Variants in CHCHD3 observed in about 807,000 individuals in gnomAD.
CHCHD3 encodes coiled-coil-helix-coiled-coil-helix domain containing 3, also known as MICOS complex subunit MIC19.
Under a neutral mutation model 38.2 loss-of-function variants are expected in CHCHD3, and 20 were observed. The observed-to-expected ratio is 0.52, with a 90% CI of 0.37 to 0.76. The LOEUF (loss-of-function observed/expected upper bound fraction) is 0.76. Among genes scored for constraint, CHCHD3 ranks in the 30% least tolerant of loss-of-function variants. The pLI is 0.00. For missense variants in CHCHD3, 245 were observed against 279.2 expected (o/e 0.88, Z 0.87); for synonymous variants, 82 against 100.0 (o/e 0.82, Z 1.07).
intron 4 of CHCHD3, among the ~76,000 whole-genome samples, chr7:132,934,024 C>G (rs765886675): frequency 4.6e-5 from 7 of 152,130 alleles, no homozygotes; most frequent in Non-Finnish European, 7.4e-5. Flanking sequence ...TGATTTCCAC[C>G]CTGGCAGATT....
chr7:132,845,655 T>C (rs953032183), intron 5 of CHCHD3, among the ~76,000 whole-genome samples: 1 of 152,230 alleles, frequency 6.6e-6, no homozygotes, highest in African/African-American at 2.4e-5. Context: ...CCTTGCTTTT[T>C]ACTCTATATG....
At chr7:132,913,146 AAAGT>A (rs1809998265) in intron 4 of CHCHD3, among the ~76,000 whole-genome samples, 2 of 152,202 alleles carry the variant, frequency 1.3e-5, no homozygotes, top group Non-Finnish European at 2.9e-5. Flanking sequence ...TTGAGATTCC[AAAGT>A]GAAGGGAATC....
chr7:132,819,015 A>G (rs1323981861), intron 6 of CHCHD3, among the ~76,000 whole-genome samples: 2 of 152,246 alleles, frequency 1.3e-5, no homozygotes, highest in African/African-American at 4.8e-5. Context: ...TAGGCCAGAC[A>G]CAGAGATGTC....
chr7:132,964,412 C>A (rs1464647104), intron 4 of CHCHD3, among the ~76,000 whole-genome samples: 1 of 152,086 alleles, frequency 6.6e-6, no homozygotes, highest in Non-Finnish European at 1.5e-5. Flanking sequence ...GAAACCCCGT[C>A]TCTACTAAAA....
chr7:132,902,435 T>C (rs888074546), intron 4 of CHCHD3, among the ~76,000 whole-genome samples: 4 of 152,164 alleles, frequency 2.6e-5, no homozygotes, highest in African/African-American at 9.7e-5. Context: ...CCATCAATGA[T>C]AGACTGGATT....
At chr7:133,007,708 T>A (rs6467459) in intron 3 of CHCHD3, among the ~76,000 whole-genome samples, 9 of 152,058 alleles carry the variant, frequency 5.9e-5, no homozygotes, top group Non-Finnish European at 1.0e-4. Flanking sequence ...TGCTACAATA[T>A]ACGTGTCCCA....
At chr7:132,828,264 A>T (rs1345268870) in intron 6 of CHCHD3, among the ~76,000 whole-genome samples, 2 of 152,160 alleles carry the variant, frequency 1.3e-5, no homozygotes, top group East Asian at 3.9e-4. Context: ...TTTCTCCACA[A>T]TCTTTCCAGA....
intron 2 of CHCHD3, among the ~76,000 whole-genome samples, chr7:133,065,884 G>C (rs1334551527): frequency 6.6e-6 from 1 of 152,102 alleles, no homozygotes; most frequent in East Asian, 1.9e-4. Context: ...CCAAATTTTA[G>C]TTCTTTTCTT....
At chr7:132,796,599 G>A (rs375556117) in intron 6 of CHCHD3, 22 bp from the exon 7 acceptor site, 56 of 1,609,570 alleles carry the variant, frequency 3.5e-5, no homozygotes, top group Admixed American at 2.3e-4. Context: ...CACAGGGACC[G>A]CTGAGACCAA....
At position 133,054,058 on chromosome 7, in the gene CHCHD3, T is replaced by A. The variant is rs1420567823; in HGVS notation, c.169+16084A>T. 2.0e-5 allele frequency among the ~76,000 whole-genome samples: 3 copies of A among 152,186 alleles called. No individual in the cohort carries two copies. In the East Asian group the frequency reaches 5.8e-4, roughly 29 times the overall value. Reference sequence around the variant, plus strand: ...TTAATGTAAAACATACTTTTAAAAATAAAGTACCTGTTAATGAGAAGTACA... The same window carrying A: ...TTAATGTAAAACATACTTTTAAAAAAAAAGTACCTGTTAATGAGAAGTACA... On this transcript the variant is annotated intron_variant, in intron 2 of 7. Coordinates refer to ENST00000262570, the MANE Select transcript of CHCHD3 (RefSeq NM_017812.4).
intron 5 of CHCHD3, among the ~76,000 whole-genome samples, chr7:132,884,249 C>A (rs1027055843): frequency 6.6e-6 from 1 of 152,112 alleles, no homozygotes; most frequent in African/African-American, 2.4e-5. Context: ...AGGCCTCTTC[C>A]CAAATGTCAT....
chr7:132,991,019 C>G (rs999885639), intron 3 of CHCHD3, among the ~76,000 whole-genome samples: 1 of 150,830 alleles, frequency 6.6e-6, no homozygotes, highest in Non-Finnish European at 1.5e-5. Flanking sequence ...ACTAGATGTG[C>G]TAAATGTTAA....
chr7:132,913,470 C>A (rs1810015815), intron 4 of CHCHD3, among the ~76,000 whole-genome samples: 1 of 152,098 alleles, frequency 6.6e-6, no homozygotes, highest in East Asian at 1.9e-4. Flanking sequence ...AAAACAGGTC[C>A]CCCAGGCAGA....
At chr7:132,832,110 T>C (rs778828607) in intron 6 of CHCHD3, among the ~76,000 whole-genome samples, 77 of 152,218 alleles carry the variant, frequency 5.1e-4, no homozygotes, top group Non-Finnish European at 8.8e-4. Context: ...GGGTTTTACA[T>C]TGAAGAAAAC....
intron 2 of CHCHD3, among the ~76,000 whole-genome samples, chr7:133,038,618 G>C (rs982316249): frequency 3.3e-5 from 5 of 152,210 alleles, no homozygotes; most frequent in Non-Finnish European, 5.9e-5. Context: ...AAGGACAGCT[G>C]ATGAAAAATT....
At chr7:132,790,402 AAG>A (rs1753544284) in intron 7 of CHCHD3, among the ~76,000 whole-genome samples, 2 of 152,348 alleles carry the variant, frequency 1.3e-5, no homozygotes, top group Admixed American at 1.3e-4. Context: ...GATTTAAAAA[AAG>A]AGAAAATGTC....
chr7:132,984,087 T>C (rs1378744452), intron 3 of CHCHD3, among the ~76,000 whole-genome samples: 3 of 92,594 alleles, frequency 3.2e-5, no homozygotes, highest in South Asian at 3.5e-4. Flanking sequence ...TCTCCCTCTC[T>C]TTCCACGGTC....
intron 6 of CHCHD3, among the ~76,000 whole-genome samples, chr7:132,832,983 C>A (rs775670764): frequency 1.3e-5 from 2 of 152,140 alleles, no homozygotes; most frequent in Non-Finnish European, 1.5e-5. Flanking sequence ...TGTTTAAAAA[C>A]AAATACAGAG....
intron 2 of CHCHD3, among the ~76,000 whole-genome samples, chr7:133,069,914 T>A (rs1814769920): frequency 1.3e-5 from 2 of 152,200 alleles, no homozygotes; most frequent in African/African-American, 4.8e-5. Flanking sequence ...AGTAGAGGAT[T>A]CAAGAGTGGG....
Sources: gnomAD v4.1 joint callset for allele counts (sites outside exome capture counted in the v4.1 genomes callset) on GRCh38, gnomAD v4.1.1 for gene constraint, MANE v1.5 for transcripts, NCBI Gene and HGNC (gene_info 2026-07-23, HGNC 2026-07-21) for gene names.